The following GRID2 variants were observed in gnomAD, a reference collection of about 807,000 sequenced individuals.
GRID2 encodes the protein glutamate ionotropic receptor delta type subunit 2.
A neutral mutation model predicts 114.8 loss-of-function variants in GRID2; 33 were observed. The ratio of observed to expected loss-of-function variants is 0.29; its 90% CI spans 0.22 to 0.38. The LOEUF (loss-of-function observed/expected upper bound fraction) is 0.38. Ranked by LOEUF, GRID2 falls within the 10% of genes least tolerant of loss-of-function variation. GRID2 has a pLI of 1.00. For missense variants in GRID2, 1,184 were observed against 1,257.7 expected (o/e 0.94, Z 0.89); for synonymous variants, 505 against 449.9 (o/e 1.12, Z -1.55).
rs1334522673 is a variant in GRID2 at position 93,451,408 on chromosome 4, A to C, written c.1546-4254A>C. Among the ~76,000 whole-genome samples, 5 of 152,096 alleles carry C rather than the reference A, an allele frequency of 3.3e-5. No homozygotes were observed. In the South Asian group the frequency reaches 8.3e-4, roughly 25 times the overall value. ...ATGAGTGTTTACTTGAAGTTTCAGG[A>C]GGGTCAATCCAGACTGTGGGAACAG... On this transcript the variant is annotated intron_variant, in intron 10 of 15. Transcript: ENST00000282020.
chr4:92,616,473 T>C (rs1730009107), intron 2 of GRID2, among the ~76,000 whole-genome samples: 1 of 151,608 alleles, frequency 6.6e-6, no homozygotes, highest in African/African-American at 2.4e-5. Context: ...TTCAGGTTTC[T>C]GCTAACTAGA....
At chr4:93,607,608 T>C (rs957943805) in intron 13 of GRID2, among the ~76,000 whole-genome samples, 4 of 152,166 alleles carry the variant, frequency 2.6e-5, no homozygotes, top group African/African-American at 4.8e-5. Context: ...TTTGAATAGA[T>C]GTTGCTTTTG....
intron 1 of GRID2, among the ~76,000 whole-genome samples, chr4:92,381,460 C>T (rs1306410635): frequency 6.6e-6 from 1 of 151,918 alleles, no homozygotes; most frequent in African/African-American, 2.4e-5. Flanking sequence ...AGACTAGCAA[C>T]TGAGTGATTA....
intron 14 of GRID2, among the ~76,000 whole-genome samples, chr4:93,706,439 T>C (rs1344874983): frequency 6.6e-6 from 1 of 152,192 alleles, no homozygotes; most frequent in Admixed American, 6.5e-5. Flanking sequence ...ACTTCTTTGA[T>C]TGAGTTTATT....
At chr4:92,970,582 C>T (rs1403275938) in intron 2 of GRID2, among the ~76,000 whole-genome samples, 1 of 151,848 alleles carries the variant, frequency 6.6e-6, no homozygotes, top group Non-Finnish European at 1.5e-5. Flanking sequence ...TACATAAATT[C>T]TGAGAGCACA....
At chr4:92,358,191 C>T (rs1253710945) in intron 1 of GRID2, among the ~76,000 whole-genome samples, 1 of 151,962 alleles carries the variant, frequency 6.6e-6, no homozygotes, top group Non-Finnish European at 1.5e-5. Context: ...GCATAGAAGG[C>T]ATATCAGATA....
chr4:93,680,115 G>A (rs948471911), intron 14 of GRID2, among the ~76,000 whole-genome samples: 3 of 146,794 alleles, frequency 2.0e-5, no homozygotes, highest in Non-Finnish European at 4.5e-5. Context: ...AATCCCACAG[G>A]AATACAAACT....
At chr4:93,551,205 A>G (rs945187248) in intron 13 of GRID2, among the ~76,000 whole-genome samples, 1 of 152,214 alleles carries the variant, frequency 6.6e-6, no homozygotes, top group Non-Finnish European at 1.5e-5. Context: ...GAAATGGACA[A>G]CTGAACAAGA....
At chr4:93,709,339 G>T (rs1378113612) in intron 14 of GRID2, among the ~76,000 whole-genome samples, 2 of 152,052 alleles carry the variant, frequency 1.3e-5, no homozygotes, top group African/African-American at 4.8e-5. Flanking sequence ...GTGTCTGAAG[G>T]ATATTTTTAT....
At chr4:92,975,937 C>G (rs1319172095) in intron 2 of GRID2, among the ~76,000 whole-genome samples, 1 of 151,522 alleles carries the variant, frequency 6.6e-6, no homozygotes, top group African/African-American at 2.4e-5. Context: ...TGTATATACA[C>G]AGACACATAT....
At chr4:92,833,918 C>T (rs1471404325) in intron 2 of GRID2, 3 of 152,150 alleles carry the variant, frequency 2.0e-5, no homozygotes, top group East Asian at 3.9e-4. Context: ...TCTTCAGGAG[C>T]AGCCATCATG....
intron 1 of GRID2, among the ~76,000 whole-genome samples, chr4:92,477,162 G>A (rs1438377773): frequency 6.6e-6 from 1 of 150,560 alleles, no homozygotes; most frequent in Non-Finnish European, 1.5e-5. Flanking sequence ...GAATATTTTT[G>A]TCATAATCAG....
Position 93,184,750 on chromosome 4 carries a change from C to T in GRID2, c.736-22654C>T, listed in dbSNP as rs189498675. Among the ~76,000 whole-genome samples the T allele has an allele frequency of 1.7e-3, 263 of 152,044 alleles. 2 individuals are homozygous for T. Among genetic ancestry groups the T allele is most frequent in the African/African-American group, 5.7e-3 (237 of 41,484 alleles). Reference sequence around the variant, plus strand: ...TACAAAAATTAGCTGGGCGTGGTGGCGTGTGCCTGTAATCGCAGATACTCA... The same window carrying T: ...TACAAAAATTAGCTGGGCGTGGTGGTGTGTGCCTGTAATCGCAGATACTCA... On this transcript the variant is annotated intron_variant, in intron 4 of 15. Transcript: ENST00000282020.
chr4:93,498,932 T>C (rs1727831549), intron 12 of GRID2, among the ~76,000 whole-genome samples: 1 of 151,914 alleles, frequency 6.6e-6, no homozygotes, highest in Non-Finnish European at 1.5e-5. Context: ...ATATTATTTC[T>C]CAAATTGAGG....
chr4:93,111,684 T>C (rs1214394393), intron 4 of GRID2, among the ~76,000 whole-genome samples: 1 of 152,058 alleles, frequency 6.6e-6, no homozygotes, highest in Admixed American at 6.6e-5. Flanking sequence ...TTCATGACTT[T>C]ACAAACTTTC....
At chr4:93,021,820 C>T (rs1457672546) in intron 2 of GRID2, among the ~76,000 whole-genome samples, 2 of 144,086 alleles carry the variant, frequency 1.4e-5, no homozygotes, top group Non-Finnish European at 3.0e-5. Flanking sequence ...TTTTAATATA[C>T]TTATATAATA....
chr4:92,639,293 A>G (rs773197204), intron 2 of GRID2, among the ~76,000 whole-genome samples: 1 of 151,840 alleles, frequency 6.6e-6, no homozygotes, highest in Non-Finnish European at 1.5e-5. Flanking sequence ...TTTATCTTAT[A>G]TATAGATCTT....
chr4:93,049,722 A>AT (rs1205477856), intron 2 of GRID2, among the ~76,000 whole-genome samples: 4 of 151,566 alleles, frequency 2.6e-5, no homozygotes, highest in South Asian at 2.1e-4. Flanking sequence ...TTTTCTTCCA[A>AT]TTTTTTTTGC....
At chr4:92,473,794 T>C (rs1722157071) in intron 1 of GRID2, among the ~76,000 whole-genome samples, 2 of 152,082 alleles carry the variant, frequency 1.3e-5, no homozygotes, top group Admixed American at 1.3e-4. Context: ...TTTGTTTCTT[T>C]TTTTGATGAT....
Sources: gnomAD v4.1 joint callset for allele counts (sites outside exome capture counted in the v4.1 genomes callset) on GRCh38, gnomAD v4.1.1 for gene constraint, MANE v1.5 for transcripts, NCBI Gene and HGNC (gene_info 2026-07-23, HGNC 2026-07-21) for gene names.